Variants in RTN4 observed in about 807,000 individuals in gnomAD.
RTN4 encodes the protein reticulon-4.
RTN4 carries 32 observed loss-of-function variants against 90.4 expected under a neutral mutation model. That is an observed-to-expected ratio of 0.35 (90% CI 0.27 to 0.48). RTN4 has a LOEUF of 0.48. Among genes scored for constraint, RTN4 ranks in the 20% least tolerant of loss-of-function variants. The pLI is 0.99. For synonymous variants in RTN4, 629 were observed against 552.5 expected, an observed-to-expected ratio of 1.14 and a Z score of -1.94; for missense variants, 1,706 against 1,430.2, an observed-to-expected ratio of 1.19 and a Z score of -3.11.
At chr2:55,062,928 C>T (rs1195247758) in intron 2 of RTN4, among the ~76,000 whole-genome samples, 1 of 152,182 alleles carries the variant, frequency 6.6e-6, no homozygotes, top group East Asian at 1.9e-4. Context: ...CTGACTCCAG[C>T]TGTATGGAAT....
intron 3 of RTN4, among the ~76,000 whole-genome samples, chr2:55,003,566 A>T (rs1275710553): frequency 6.6e-6 from 1 of 152,226 alleles, no homozygotes; most frequent in East Asian, 1.9e-4. Flanking sequence ...CCAAGGATGC[A>T]AAGAAAAGTA....
intron 7 of RTN4, 34 bp downstream of exon 7, chr2:54,973,787 C>G (rs1156703124): frequency 3.8e-6 from 6 of 1,597,738 alleles, no homozygotes; most frequent in Non-Finnish European, 5.1e-6. Context: ...AGTGAGTGCT[C>G]TATTCTGAAG....
intron 3 of RTN4, among the ~76,000 whole-genome samples, chr2:54,996,359 A>T (rs1293706809): frequency 1.3e-5 from 2 of 152,204 alleles, no homozygotes; most frequent in Non-Finnish European, 2.9e-5. Context: ...ATGGAAATAT[A>T]AGGGATCCAA....
chr2:55,036,349 C>G (rs1682679463), intron 1 of RTN4, among the ~76,000 whole-genome samples: 2 of 151,916 alleles, frequency 1.3e-5, no homozygotes, highest in Admixed American at 6.6e-5. Context: ...TGCCTGTAAT[C>G]CCAGCACTTT....
chr2:55,071,289 G>A (rs996526010), intron 2 of RTN4, among the ~76,000 whole-genome samples: 1 of 151,760 alleles, frequency 6.6e-6, no homozygotes. Context: ...TTGTGTCTCA[G>A]TTTCATCATT....
At chr2:55,001,035 A>G (rs917262606) in intron 3 of RTN4, among the ~76,000 whole-genome samples, 2 of 152,172 alleles carry the variant, frequency 1.3e-5, no homozygotes, top group African/African-American at 4.8e-5. Flanking sequence ...AATAGATAAA[A>G]AAGACATTGG....
chr2:54,989,928 G>A (rs1004700447), intron 3 of RTN4, among the ~76,000 whole-genome samples: 7 of 151,998 alleles, frequency 4.6e-5, no homozygotes, highest in Non-Finnish European at 8.8e-5. Flanking sequence ...GAGAGAACAC[G>A]GGGAGTGATG....
At chr2:55,092,677 C>T (rs2105046142) in intron 1 of RTN4, among the ~76,000 whole-genome samples, 1 of 152,336 alleles carries the variant, frequency 6.6e-6, no homozygotes, top group Middle Eastern at 3.4e-3. Context: ...AATTGTGGCA[C>T]CTGGTAAAAG....
chr2:55,131,081 TG>T, the RTN4 span, among the ~76,000 whole-genome samples: 3 of 152,176 alleles, frequency 2.0e-5, no homozygotes, highest in Admixed American at 6.5e-5. Context: ...TTGTTTGTTT[TG>T]GGGGGTTTTT....
chr2:55,014,089 G>A (rs1354066890), intron 3 of RTN4, among the ~76,000 whole-genome samples: 1 of 152,130 alleles, frequency 6.6e-6, no homozygotes, highest in Non-Finnish European at 1.5e-5. Context: ...AATACTGAAA[G>A]GAGTTAATTT....
At chr2:55,049,574 G>A in intron 1 of RTN4, 171 bp downstream of exon 1, 2 of 1,102,686 alleles carry the variant, frequency 1.8e-6, no homozygotes, top group South Asian at 1.4e-5. Flanking sequence ...TCCAAGGGCC[G>A]CCCCACCCTT....
chr2:55,010,035 A>G (rs1680515537), intron 3 of RTN4: 2 of 1,572,662 alleles, frequency 1.3e-6, no homozygotes, highest in Admixed American at 3.4e-5. Flanking sequence ...TCATAGAAAT[A>G]TATTAGTGGT....
rs1678465708 is a variant in RTN4 at position 54,985,240 on chromosome 2, G to T, written c.3221+2251C>A. ...AGTGGCATGATCACAGCTCACTGCA[G>T]CCTTGAACTCCTGGGTTCTAGCAAT... On this transcript the variant is annotated intron_variant, in intron 4 of 8. Coordinates refer to ENST00000337526, the MANE Select transcript of RTN4 (RefSeq NM_020532.5). Among the ~76,000 whole-genome samples the T allele has an allele frequency of 2.3e-5, 3 of 127,820 alleles. No individual in the cohort carries two copies. The South Asian group carries it at 8.1e-4, about 34-fold the overall frequency. 83.9% of individuals were successfully genotyped at this position (127,820 alleles called of 152,430 possible).
chr2:55,134,521 A>G, the RTN4 span, among the ~76,000 whole-genome samples: 3 of 152,222 alleles, frequency 2.0e-5, no homozygotes, highest in Non-Finnish European at 4.4e-5. Context: ...ACCTTAGCTC[A>G]GAGCAGCACC....
Position 54,987,513 on chromosome 2 carries a change from A to T in RTN4, c.3199T>A (p.Ser1067Thr). 6.2e-7 allele frequency: 1 copy of T among 1,614,060 alleles called. No homozygotes were observed. Among genetic ancestry groups the T allele is most frequent in the South Asian group, 1.1e-5 (1 of 91,062 alleles). ...CACCTGAATGGGTGGCCTTCATCTG[A>T]TTTCTGGATAGCTTGGATCACACCC... Reference protein sequence around the residue: ...YKGVIQAIQKSDEGHPFRAYL... With the variant: ...YKGVIQAIQKTDEGHPFRAYL... The change falls in exon 4 of 9, where the codon TCA (serine) becomes ACA (threonine). Residue 1067 changes from serine (S) to threonine (T), a missense_variant. By Grantham distance (58) the Ser-to-Thr change is moderately conservative (BLOSUM62 1). Transcript: ENST00000337526.
At chr2:55,088,362 GCA>G (rs2105040881) in intron 1 of RTN4, among the ~76,000 whole-genome samples, 1 of 152,302 alleles carries the variant, frequency 6.6e-6, no homozygotes, top group South Asian at 2.1e-4. Flanking sequence ...AAAATGCAAA[GCA>G]CACACATATT....
chr2:55,045,827 A>G (rs1335503347), intron 1 of RTN4, among the ~76,000 whole-genome samples: 2 of 152,216 alleles, frequency 1.3e-5, no homozygotes, highest in African/African-American at 4.8e-5. Context: ...GGTTTAGAAC[A>G]TGTCCAGAGA....
chr2:55,050,208 G>A lies in RTN4; in HGVS notation c.93C>T (p.Pro31=), dbSNP rs770471842. ...PAFKYQFVRE[P]EDEEEEEEEE... The stretch of plus-strand genomic sequence containing the variant: ...CCTCCTCTTCTTCCTCCTCGTCCTC[G>A]GGCTCCCTCACGAACTGGTACTTGA... Residue 31 remains proline (P), a synonymous_variant, in exon 1 of 9, where the codon CCC becomes CCT. Transcript: ENST00000337526. The surrounding 1 kb of genome is among the most constrained non-coding windows in gnomAD (Gnocchi z 4.6). 6 of 1,567,626 alleles carry A rather than the reference G, an allele frequency of 3.8e-6. No individual in the cohort carries two copies. The highest frequency in any genetic ancestry group is 5.2e-6 in the Non-Finnish European group (6 of 1,160,406).
At chr2:55,043,885 C>T (rs556251976) in intron 1 of RTN4, among the ~76,000 whole-genome samples, 2 of 151,518 alleles carry the variant, frequency 1.3e-5, no homozygotes, top group African/African-American at 4.8e-5. Flanking sequence ...GACTCCACCT[C>T]AAAAATAAAA....
Sources: gnomAD v4.1 joint callset for allele counts (sites outside exome capture counted in the v4.1 genomes callset) on GRCh38, gnomAD v4.1.1 for gene constraint, Gnocchi (gnomAD v3.1) non-coding constraint, MANE v1.5 for transcripts, NCBI Gene and HGNC (gene_info 2026-07-23, HGNC 2026-07-21) for gene names.